Variants in MEOX2 observed in about 807,000 individuals in gnomAD.
MEOX2 encodes homeobox protein MOX-2.
Under a neutral mutation model 27.0 loss-of-function variants are expected in MEOX2, and 11 were observed. That is an observed-to-expected ratio of 0.41 (90% CI 0.26 to 0.68). The LOEUF (loss-of-function observed/expected upper bound fraction) is 0.68. MEOX2 is among the 30% of genes least tolerant of loss of function. The pLI is 0.33. For missense variants in MEOX2, 436 were observed against 385.4 expected, an observed-to-expected ratio of 1.13 and a Z score of -1.10; for synonymous variants, 189 against 155.4, an observed-to-expected ratio of 1.22 and a Z score of -1.61.
chr7:15,675,087 A>C (rs1315334604), intron 1 of MEOX2, among the ~76,000 whole-genome samples: 1 of 152,180 alleles, frequency 6.6e-6, no homozygotes, highest in Non-Finnish European at 1.5e-5. Context: ...TACTTGGATT[A>C]AATGTTAAAT....
intron 1 of MEOX2, among the ~76,000 whole-genome samples, chr7:15,635,177 G>T (rs555512468): frequency 6.6e-6 from 1 of 152,066 alleles, no homozygotes; most frequent in South Asian, 2.1e-4. Context: ...GAGGCTCAAA[G>T]TGGCTGAAGG....
rs543107509 is a variant in MEOX2 at position 15,638,542 on chromosome 7, C to T, written c.518-11624G>A. On this transcript the variant is annotated intron_variant, in intron 1 of 2. Coordinates refer to ENST00000262041, the MANE Select transcript of MEOX2 (RefSeq NM_005924.5). ...GAGGCGTACATGTGATGGTCTGTTA[C>T]GTAGGTATATTGCATAATCGTAAGG... Among the ~76,000 whole-genome samples the T allele has an allele frequency of 5.0e-4, 76 of 151,960 alleles. 1 individual carries two copies. Among genetic ancestry groups the T allele is most frequent in the South Asian group, 4.1e-4 (2 of 4,820 alleles).
Position 15,666,751 on chromosome 7 carries a change from CAAAAAAAAAAAAAA to C in MEOX2, c.517+19121_517+19134del, listed in dbSNP as rs61294753. 1.4e-4 allele frequency among the ~76,000 whole-genome samples: 9 copies of C among 63,058 alleles called. No individual in the cohort carries two copies. In the East Asian group the frequency reaches 2.5e-3, roughly 17 times the overall value. The allele number at this position is 63,058 out of a possible 152,430, so 41.4% of individuals were successfully genotyped here. A position where few individuals can be genotyped will look rare whatever the true frequency, so the allele number is the denominator to read the frequency against. Reference sequence around the variant, plus strand: ...TGGGCAACAGAGCAAGACTCTGTCTCAAAAAAAAAAAAAAAAAAAAAAAAAAAAATATATATATA... The same window carrying C: ...TGGGCAACAGAGCAAGACTCTGTCTCAAAAAAAAAAAAAAATATATATATA... On this transcript the variant is annotated intron_variant, in intron 1 of 2. Coordinates refer to ENST00000262041, the MANE Select transcript of MEOX2 (RefSeq NM_005924.5).
intron 1 of MEOX2, among the ~76,000 whole-genome samples, chr7:15,631,774 G>C (rs1781406703): frequency 1.3e-5 from 2 of 151,718 alleles, no homozygotes; most frequent in Admixed American, 6.6e-5. Flanking sequence ...GATTTGAGAT[G>C]CTTTATAAAA....
intron 2 of MEOX2, among the ~76,000 whole-genome samples, chr7:15,621,872 A>T (rs1462627064): frequency 6.6e-6 from 1 of 152,190 alleles, no homozygotes; most frequent in Non-Finnish European, 1.5e-5. Context: ...TAATCTCAGC[A>T]CTTTGGGAGG....
chr7:15,682,075 T>A (rs1782299787), intron 1 of MEOX2: 1 of 151,838 alleles, frequency 6.6e-6, no homozygotes, highest in South Asian at 2.1e-4. Flanking sequence ...TATGTCAGAT[T>A]ACCATTTTTA....
chr7:15,615,172 T>C (rs1379461825), intron 2 of MEOX2, among the ~76,000 whole-genome samples: 1 of 80,822 alleles, frequency 1.2e-5, no homozygotes, highest in Non-Finnish European at 2.7e-5. Flanking sequence ...AGCTATACTA[T>C]TGGTGCTGTT....
In MEOX2 at chr7:15,619,647, T is replaced by A. The variant is rs143126034; in HGVS notation, c.691-7036A>T. On this transcript the variant is annotated intron_variant, in intron 2 of 2. Coordinates refer to ENST00000262041, the MANE Select transcript of MEOX2 (RefSeq NM_005924.5). ...ACACACATATACACAGATATGTGTGTGTGTATATATATCTATAGATAGATA... is the reference window on the plus strand; with the variant it reads ...ACACACATATACACAGATATGTGTGAGTGTATATATATCTATAGATAGATA... 2.4e-3 allele frequency among the ~76,000 whole-genome samples: 372 copies of A among 152,146 alleles called. 2 individuals are homozygous for A. The highest frequency in any genetic ancestry group is 8.7e-3 in the African/African-American group (362 of 41,568).
chr7:15,638,804 C>A (rs150758936), intron 1 of MEOX2, among the ~76,000 whole-genome samples: 1 of 152,052 alleles, frequency 6.6e-6, no homozygotes, highest in South Asian at 2.1e-4. Flanking sequence ...CTGTAGAGGA[C>A]AGGATTTGAT....
intron 1 of MEOX2, chr7:15,677,315 C>T (rs1301814706): frequency 6.6e-6 from 1 of 152,192 alleles, no homozygotes; most frequent in African/African-American, 2.4e-5. Context: ...TGTATATTAA[C>T]TCAATTTCCT....
chr7:15,670,628 T>C (rs986641067), intron 1 of MEOX2, among the ~76,000 whole-genome samples: 3 of 152,236 alleles, frequency 2.0e-5, no homozygotes, highest in Non-Finnish European at 4.4e-5. Flanking sequence ...CAATTGAATT[T>C]TTAATTTTAT....
At chr7:15,634,942 T>C (rs955795691) in intron 1 of MEOX2, among the ~76,000 whole-genome samples, 3 of 151,974 alleles carry the variant, frequency 2.0e-5, no homozygotes, top group Admixed American at 1.3e-4. Context: ...AAGCCATCCC[T>C]TAGAGGTGTG....
chr7:15,665,041 TCACACACACACACACACACACACACA>T (rs35772927), intron 1 of MEOX2, among the ~76,000 whole-genome samples: 3 of 141,222 alleles, frequency 2.1e-5, no homozygotes, highest in African/African-American at 8.0e-5. Context: ...TAAGTGGACA[TCACACACACACACACACACACACACA>T]CACACACACA....
intron 1 of MEOX2, among the ~76,000 whole-genome samples, chr7:15,633,021 A>G (rs1028055692): frequency 2.6e-5 from 4 of 151,896 alleles, no homozygotes; most frequent in African/African-American, 9.7e-5. Context: ...TTCCCTGATT[A>G]TATTAGTTTA....
At chr7:15,646,352 G>A (rs1202150289) in intron 1 of MEOX2, among the ~76,000 whole-genome samples, 3 of 151,958 alleles carry the variant, frequency 2.0e-5, no homozygotes, top group African/African-American at 4.8e-5. Flanking sequence ...AACCTCAGTT[G>A]AAATGACATT....
At chr7:15,630,048 A>T (rs1416919307) in intron 1 of MEOX2, among the ~76,000 whole-genome samples, 1 of 151,996 alleles carries the variant, frequency 6.6e-6, no homozygotes, top group Non-Finnish European at 1.5e-5. Context: ...CACAAACAAA[A>T]TGTCACCATC....
chr7:15,633,250 T>C (rs935229837), intron 1 of MEOX2, among the ~76,000 whole-genome samples: 4 of 151,916 alleles, frequency 2.6e-5, no homozygotes, highest in Non-Finnish European at 5.9e-5. Flanking sequence ...ATAGGCAAGA[T>C]AGTGAAGAGA....
chr7:15,686,526 C>T lies in MEOX2; in HGVS notation c.-124G>A. 2 of 867,724 alleles carry T rather than the reference C, an allele frequency of 2.3e-6. No homozygotes were observed. Among genetic ancestry groups the T allele is most frequent in the Non-Finnish European group, 3.5e-6 (2 of 571,390 alleles). The allele number at this position is 867,724 out of a possible 1,614,324, so 53.8% of individuals were successfully genotyped here. ...TTAACCTCCCAAAGCAATAGCGGTG[C>T]ACTTCTGCAGAGCTCGGATAATCCC... On this transcript the variant is annotated 5_prime_UTR_variant, in exon 1 of 3. Coordinates refer to ENST00000262041, the MANE Select transcript of MEOX2 (RefSeq NM_005924.5).
intron 1 of MEOX2, among the ~76,000 whole-genome samples, chr7:15,683,059 A>G (rs992579054): frequency 2.6e-5 from 4 of 152,156 alleles, no homozygotes; most frequent in Non-Finnish European, 4.4e-5. Flanking sequence ...GTCCATGTGC[A>G]TTTGTGGAGG....
Sources: allele counts gnomAD v4.1 joint callset (sites outside exome capture counted in the v4.1 genomes callset), GRCh38; gene constraint gnomAD v4.1.1; transcripts MANE v1.5; gene names NCBI Gene and HGNC (gene_info 2026-07-23, HGNC 2026-07-21).